GYG2: variants seen among roughly 807,000 people sequenced by gnomAD.
GYG2 encodes glycogenin 2.
Under a neutral mutation model 29.4 loss-of-function variants are expected in GYG2, and 29 were observed. That is an observed-to-expected ratio of 0.99 (90% confidence interval 0.74 to 1.35). The LOEUF (loss-of-function observed/expected upper bound fraction) is 1.35, where lower values mean the gene tolerates loss of function less well. Ranked by LOEUF, GYG2 falls within the 40% of genes most tolerant of loss-of-function variation. The probability of loss-of-function intolerance (pLI) is 0.00; values close to 1 mark genes in which losing one functional copy is unlikely to be tolerated. For synonymous variants in GYG2, 167 were observed against 172.3 expected (o/e 0.97, Z 0.24); for missense variants, 370 against 385.7 (o/e 0.96, Z 0.34).
chrX:2,846,515 G>A (rs1431113553), intron 3 of GYG2, among the ~76,000 whole-genome samples: 1 of 111,234 alleles, frequency 9.0e-6, no homozygotes, highest in East Asian at 2.8e-4. Context: ...GCCAAGGTGG[G>A]AGGATTGCAT....
intron 10 of GYG2, chrX:2,877,945 A>AC (rs1269661766): frequency 1.3e-6 from 1 of 749,158 alleles, no homozygotes; most frequent in Non-Finnish European, 1.6e-6. Flanking sequence ...TTAGAGTGTG[A>AC]CCTACTGTGT....
intron 2 of GYG2, among the ~76,000 whole-genome samples, chrX:2,837,992 C>T (rs1157041049): frequency 1.9e-5 from 2 of 107,773 alleles, no homozygotes. Flanking sequence ...ATCCTGCCGT[C>T]TCAGCTTCCC....
intron 3 of GYG2, among the ~76,000 whole-genome samples, chrX:2,845,083 G>GTGTATGTATATATACACA (rs1569057381): frequency 2.4e-4 from 13 of 54,126 alleles, no homozygotes; most frequent in African/African-American, 1.1e-3. Flanking sequence ...TTATATACAC[G>GTGTATGTATATATACACA]TGTGTATGTA....
intron 3 of GYG2, among the ~76,000 whole-genome samples, chrX:2,853,299 C>G (rs1181012946): frequency 9.0e-6 from 1 of 111,284 alleles, no homozygotes; most frequent in Admixed American, 9.6e-5. Context: ...CAATCTCCGC[C>G]TCCCGGGTTC....
At chrX:2,850,718 C>T (rs1454884698) in intron 3 of GYG2, among the ~76,000 whole-genome samples, 1 of 111,196 alleles carries the variant, frequency 9.0e-6, no homozygotes, top group African/African-American at 3.3e-5. Context: ...AAAAGCTCCC[C>T]TACTGAGCAC....
At chrX:2,860,157 C>T (rs2088124788) in intron 7 of GYG2, 92 bp downstream of exon 7, 5 of 505,091 alleles carry the variant, frequency 9.9e-6, no homozygotes, top group South Asian at 6.5e-5. Flanking sequence ...TGAAATGCCC[C>T]TTTTTTGTCT....
intron 10 of GYG2, 119 bp from the exon 11 acceptor site, chrX:2,880,933 C>G: frequency 1.7e-6 from 1 of 603,949 alleles, no homozygotes; most frequent in Non-Finnish European, 2.6e-6. Flanking sequence ...GATTCGCAAT[C>G]TCTTTTTGAG....
At chrX:2,876,897 C>A (rs965136923) in intron 9 of GYG2, among the ~76,000 whole-genome samples, 12 of 110,321 alleles carry the variant, frequency 1.1e-4, no homozygotes, top group Non-Finnish European at 1.7e-4. Flanking sequence ...TGCAGTGAGC[C>A]GAGATCACGT....
chrX:2,849,596 A>G (rs62582317), intron 3 of GYG2, among the ~76,000 whole-genome samples: 17,622 of 111,560 alleles, frequency 0.16, 1,240 homozygotes, highest in South Asian at 0.3. Flanking sequence ...AAATGAAGAA[A>G]AATCCTAAAT....
At chrX:2,860,741 G>A (rs2088142409) in intron 7 of GYG2, among the ~76,000 whole-genome samples, 1 of 94,642 alleles carries the variant, frequency 1.1e-5, no homozygotes, top group Non-Finnish European at 2.0e-5. Flanking sequence ...TTGTTTGTTT[G>A]TTTTTTGAGA....
At chrX:2,864,136 C>T (rs920295758) in intron 8 of GYG2, among the ~76,000 whole-genome samples, 1 of 111,712 alleles carries the variant, frequency 9.0e-6, no homozygotes, top group South Asian at 3.8e-4. Flanking sequence ...GAAATATTAT[C>T]GAATGCTTCG....
Position 2,853,815 on chromosome X carries a change from A to G in GYG2, c.150-165A>G, listed in dbSNP as rs2087919095. 2.0e-5 allele frequency: 9 copies of G among 442,658 alleles called. No individual in the cohort carries two copies. In the Admixed American group the frequency reaches 3.5e-4, roughly 17 times the overall value. 36.5% of individuals were successfully genotyped at this position (442,658 alleles called of 1,213,427 possible). On this transcript the variant is annotated intron_variant, in intron 3 of 10. Coordinates refer to ENST00000398806, the MANE Select transcript of GYG2 (RefSeq NM_001079855.2). ...TGGACGGTGTGCACAGCTCTAAGCC[A>G]TCCGTGGAAATGTGCTCTGAACATG...
chrX:2,872,006 A>C (rs1005978643), intron 8 of GYG2, among the ~76,000 whole-genome samples: 4 of 111,707 alleles, frequency 3.6e-5, no homozygotes, highest in African/African-American at 1.3e-4. Context: ...TCTGCTGTCT[A>C]TCTGTTCCCT....
intron 2 of GYG2, among the ~76,000 whole-genome samples, chrX:2,839,637 TC>T (rs1470499569): frequency 9.0e-6 from 1 of 110,868 alleles, no homozygotes; most frequent in African/African-American, 3.3e-5. Context: ...GGGGAGATAC[TC>T]CTTAATGAGT....
At chrX:2,853,742 A>G (rs984813230) in intron 3 of GYG2, 3 of 352,679 alleles carry the variant, frequency 8.5e-6, no homozygotes, top group African/African-American at 7.8e-5. Context: ...GTGGGGTTTC[A>G]CACCATTGGC....
At chrX:2,847,533 C>CAAAAAAAAAA (rs34368863) in intron 3 of GYG2, among the ~76,000 whole-genome samples, 21 of 56,246 alleles carry the variant, frequency 3.7e-4, no homozygotes, top group East Asian at 1.2e-3. Context: ...ACTAAAAGTA[C>CAAAAAAAAAA]AAAAAAAAAA....
chrX:2,839,308 TCTTTGTTGG>T (rs2087446760), intron 2 of GYG2, among the ~76,000 whole-genome samples: 1 of 111,725 alleles, frequency 9.0e-6, no homozygotes, highest in South Asian at 3.7e-4. Flanking sequence ...TTCTCCTGCC[TCTTTGTTGG>T]CTTGGGGTTC....
chrX:2,880,415 A>AGT (rs34658826), intron 10 of GYG2, among the ~76,000 whole-genome samples: 137 of 101,150 alleles, frequency 1.4e-3, no homozygotes, highest in South Asian at 9.4e-3. Context: ...GTATTAAATT[A>AGT]GTGTGTGTGT....
At chrX:2,831,481 G>T (rs763307040) in intron 2 of GYG2, among the ~76,000 whole-genome samples, 4 of 112,014 alleles carry the variant, frequency 3.6e-5, no homozygotes, top group South Asian at 7.6e-4. Context: ...ACTTAGAGAT[G>T]AAAATTGTCG....
Sources: allele counts gnomAD v4.1 joint callset (sites outside exome capture counted in the v4.1 genomes callset), GRCh38; gene constraint gnomAD v4.1.1; transcripts MANE v1.5; gene names NCBI Gene and HGNC (gene_info 2026-07-23, HGNC 2026-07-21).